The following SEMA6D variants were observed in gnomAD, a reference collection of about 807,000 sequenced individuals.
SEMA6D encodes the protein semaphorin 6D, also known as semaphorin-6D.
SEMA6D carries 35 observed loss-of-function variants against 106.6 expected under a neutral mutation model. That is an observed-to-expected ratio of 0.33 (90% CI 0.25 to 0.44). SEMA6D has a LOEUF of 0.44. Among genes scored for constraint, SEMA6D ranks in the 20% least tolerant of loss-of-function variants. SEMA6D has a pLI of 1.00. For synonymous variants in SEMA6D, 499 were observed against 487.7 expected (o/e 1.02, Z -0.31); for missense variants, 1,185 against 1,345.9 (o/e 0.88, Z 1.87).
intron 3 of SEMA6D, among the ~76,000 whole-genome samples, chr15:47,555,408 G>A (rs538120171): frequency 6.6e-6 from 1 of 152,158 alleles, no homozygotes; most frequent in South Asian, 2.1e-4. Context: ...ATATATTAAT[G>A]GCACATAATA....
intron 2 of SEMA6D, among the ~76,000 whole-genome samples, chr15:47,429,783 C>G (rs2041463919): frequency 6.6e-6 from 1 of 152,054 alleles, no homozygotes; most frequent in Non-Finnish European, 1.5e-5. Context: ...AATGTCTGTT[C>G]TTGTCTGTGG....
At chr15:47,238,914 A>C (rs191829363) in intron 1 of SEMA6D, among the ~76,000 whole-genome samples, 1 of 152,308 alleles carries the variant, frequency 6.6e-6, no homozygotes, top group Admixed American at 6.5e-5. Context: ...AACCTCCTTC[A>C]GTTTGCATAC....
intron 2 of SEMA6D, among the ~76,000 whole-genome samples, chr15:47,440,194 A>G (rs1319926399): frequency 1.3e-5 from 2 of 152,110 alleles, no homozygotes; most frequent in Non-Finnish European, 2.9e-5. Context: ...ACATATGAGC[A>G]AGAGAGAAAT....
chr15:47,447,193 T>C (rs1417441669), intron 2 of SEMA6D, among the ~76,000 whole-genome samples: 1 of 152,114 alleles, frequency 6.6e-6, no homozygotes, highest in Non-Finnish European at 1.5e-5. Context: ...GCATCTCCTT[T>C]CTCAGAGAAA....
At chr15:47,348,766 A>AGAGAGAGC (rs1555425937) in intron 1 of SEMA6D, among the ~76,000 whole-genome samples, 1 of 132,278 alleles carries the variant, frequency 7.6e-6, no homozygotes. Context: ...AGAGAGAGAG[A>AGAGAGAGC]TTTTTTCCTG....
At chr15:47,382,424 G>A (rs1023716422) in intron 1 of SEMA6D, among the ~76,000 whole-genome samples, 1 of 152,064 alleles carries the variant, frequency 6.6e-6, no homozygotes, top group Admixed American at 6.6e-5. Flanking sequence ...GCAGAATGAC[G>A]TGAACTCAGG....
At chr15:47,289,505 G>A (rs943068752) in intron 1 of SEMA6D, among the ~76,000 whole-genome samples, 3 of 151,722 alleles carry the variant, frequency 2.0e-5, no homozygotes, top group East Asian at 3.9e-4. Context: ...AAACAGTGTA[G>A]CAACAAAGAG....
intron 3 of SEMA6D, among the ~76,000 whole-genome samples, chr15:47,562,159 AT>A (rs1411610453): frequency 6.6e-6 from 1 of 152,192 alleles, no homozygotes; most frequent in East Asian, 1.9e-4. Flanking sequence ...TGGGCAACTG[AT>A]TTTCAACAGC....
At chr15:47,321,523 G>C (rs2036921585) in intron 1 of SEMA6D, among the ~76,000 whole-genome samples, 1 of 127,128 alleles carries the variant, frequency 7.9e-6, no homozygotes. Context: ...TGATATGTAA[G>C]TTACGTTTTT....
intron 4 of SEMA6D, among the ~76,000 whole-genome samples, chr15:47,613,418 G>A (rs897704044): frequency 6.6e-6 from 1 of 152,010 alleles, no homozygotes; most frequent in East Asian, 1.9e-4. Context: ...GACAGACAAA[G>A]CCTCCTCAGT....
At chr15:47,235,926 C>T (rs1182930530) in intron 1 of SEMA6D, among the ~76,000 whole-genome samples, 2 of 152,020 alleles carry the variant, frequency 1.3e-5, no homozygotes, top group Non-Finnish European at 2.9e-5. Context: ...TTCTTTGTTA[C>T]TTTGTTACAT....
At chr15:47,250,218 A>G (rs1399902386) in intron 1 of SEMA6D, among the ~76,000 whole-genome samples, 2 of 152,168 alleles carry the variant, frequency 1.3e-5, no homozygotes, top group Admixed American at 6.5e-5. Context: ...ACTATGATAT[A>G]TCTATTAACG....
rs1364843286 is a variant in SEMA6D at position 47,213,583 on chromosome 15, C to G, written c.-239+29165C>G. Among the ~76,000 whole-genome samples, 6 of 152,206 alleles carry G rather than the reference C, an allele frequency of 3.9e-5. No individual in the cohort carries two copies. The East Asian group carries it at 1.2e-3, about 29-fold the overall frequency. On this transcript the variant is annotated intron_variant, in intron 1 of 19. Coordinates refer to the SEMA6D transcript ENST00000558014. ...GCTAAATCAACCCAAATCTGATGGT[C>G]TTACATGCTTAGCTATCCCCAGGTT...
At chr15:47,546,443 A>T (rs1242932639) in intron 3 of SEMA6D, among the ~76,000 whole-genome samples, 1 of 152,168 alleles carries the variant, frequency 6.6e-6, no homozygotes, top group African/African-American at 2.4e-5. Flanking sequence ...AATAAAATCT[A>T]GCCAATTAAC....
chr15:47,312,321 G>A (rs2036483622), intron 1 of SEMA6D, among the ~76,000 whole-genome samples: 1 of 151,986 alleles, frequency 6.6e-6, no homozygotes, highest in Non-Finnish European at 1.5e-5. Flanking sequence ...CTTCCTAGTT[G>A]CTCTGTGTAT....
chr15:47,479,987 TTC>T (rs1234746178), intron 3 of SEMA6D, among the ~76,000 whole-genome samples: 1 of 150,412 alleles, frequency 6.6e-6, no homozygotes, highest in East Asian at 2.0e-4. Context: ...CACCTCAGCC[TTC>T]TGAGTAGCTG....
chr15:47,292,338 T>C (rs1280967645), intron 1 of SEMA6D, among the ~76,000 whole-genome samples: 1 of 152,232 alleles, frequency 6.6e-6, no homozygotes, highest in Admixed American at 6.5e-5. Flanking sequence ...CTACTGGCTA[T>C]ATAAAATTGC....
intron 3 of SEMA6D, among the ~76,000 whole-genome samples, chr15:47,489,920 G>A (rs1047349610): frequency 1.3e-5 from 2 of 152,082 alleles, no homozygotes; most frequent in South Asian, 2.1e-4. Context: ...CCAAAGTGCT[G>A]GGATTACAGA....
intron 2 of SEMA6D, among the ~76,000 whole-genome samples, chr15:47,462,943 T>G (rs935465479): frequency 6.6e-6 from 1 of 152,030 alleles, no homozygotes; most frequent in Non-Finnish European, 1.5e-5. Flanking sequence ...CAGATGTCAT[T>G]GAAAGAGGCA....
Sources: allele counts gnomAD v4.1 joint callset (sites outside exome capture counted in the v4.1 genomes callset), GRCh38; gene constraint gnomAD v4.1.1; transcripts MANE v1.5; gene names NCBI Gene and HGNC (gene_info 2026-07-23, HGNC 2026-07-21).